NALF1: variants seen among roughly 807,000 people sequenced by gnomAD.
NALF1 encodes the protein NALCN channel auxiliary factor 1, also known as family with sequence similarity 155 member A.
In NALF1, 3 loss-of-function variants were observed where a neutral mutation model predicts 48.4. That is an observed-to-expected ratio of 0.06 (90% CI 0.03 to 0.16). The LOEUF (loss-of-function observed/expected upper bound fraction) is 0.16, where lower values mean the gene tolerates loss of function less well. Ranked by LOEUF, NALF1 falls within the 10% of genes least tolerant of loss-of-function variation. The pLI is 1.00. For missense variants in NALF1, 526 were observed against 571.5 expected (o/e 0.92, Z 0.81); for synonymous variants, 262 against 245.7 (o/e 1.07, Z -0.62).
chr13:107,748,336 G>A (rs1212416882), intron 1 of NALF1, among the ~76,000 whole-genome samples: 2 of 152,110 alleles, frequency 1.3e-5, no homozygotes, highest in Non-Finnish European at 2.9e-5. Context: ...TGTTCCTTAT[G>A]AGCAAATTGT....
chr13:107,660,642 C>T (rs527853298), intron 1 of NALF1, among the ~76,000 whole-genome samples: 1 of 152,032 alleles, frequency 6.6e-6, no homozygotes, highest in Admixed American at 6.6e-5. Flanking sequence ...ATTTTTAGGG[C>T]ACAGATTATC....
At chr13:107,737,847 T>A (rs554955218) in intron 1 of NALF1, among the ~76,000 whole-genome samples, 1 of 152,342 alleles carries the variant, frequency 6.6e-6, no homozygotes, top group Admixed American at 6.5e-5. Flanking sequence ...TTCTTCCATT[T>A]ATAATATAGA....
intron 1 of NALF1, among the ~76,000 whole-genome samples, chr13:107,781,992 C>T (rs1374722807): frequency 1.3e-5 from 2 of 152,168 alleles, no homozygotes; most frequent in Admixed American, 1.3e-4. Flanking sequence ...CTAAGTTACA[C>T]TTCTGTGCAA....
intron 1 of NALF1, among the ~76,000 whole-genome samples, chr13:107,831,378 A>T (rs1879724484): frequency 6.6e-6 from 1 of 152,196 alleles, no homozygotes; most frequent in African/African-American, 2.4e-5. Flanking sequence ...ATTGGCAATT[A>T]TTCATAACTT....
intron 2 of NALF1, among the ~76,000 whole-genome samples, chr13:107,208,352 C>G (rs1414908364): frequency 6.6e-6 from 1 of 152,160 alleles, no homozygotes; most frequent in Admixed American, 6.6e-5. Context: ...TATGAAGAAG[C>G]TGTTTTTACC....
At chr13:107,729,754 C>T (rs1876256094) in intron 1 of NALF1, among the ~76,000 whole-genome samples, 1 of 152,154 alleles carries the variant, frequency 6.6e-6, no homozygotes, top group Admixed American at 6.6e-5. Context: ...GTTGGGATTA[C>T]AGGCATGAGC....
rs1316828739 is a variant in NALF1 at position 107,605,873 on chromosome 13, T to C, written c.915+259809A>G. Among the ~76,000 whole-genome samples the C allele has an allele frequency of 2.0e-5, 3 of 152,204 alleles. No individual in the cohort carries two copies. The East Asian group carries it at 5.8e-4, about 29-fold the overall frequency. ...ACCTGTTCCCACGCTGAGAAGCTAATGTCTTGCCCCTTATGCACCAGTTAA... is the reference window on the plus strand; with the variant it reads ...ACCTGTTCCCACGCTGAGAAGCTAACGTCTTGCCCCTTATGCACCAGTTAA... On this transcript the variant is annotated intron_variant, in intron 1 of 2. Transcript: ENST00000375915.
chr13:107,812,909 C>G (rs527656649), intron 1 of NALF1, among the ~76,000 whole-genome samples: 2 of 152,080 alleles, frequency 1.3e-5, no homozygotes, highest in South Asian at 4.1e-4. Context: ...GCATGCATCA[C>G]CACACCTGGC....
chr13:107,511,503 C>T (rs1241438715), intron 1 of NALF1, among the ~76,000 whole-genome samples: 3 of 152,072 alleles, frequency 2.0e-5, no homozygotes, highest in Non-Finnish European at 2.9e-5. Flanking sequence ...TCCCAAATAC[C>T]AGCCAATACC....
intron 2 of NALF1, among the ~76,000 whole-genome samples, chr13:107,173,101 ATTC>A (rs1397196585): frequency 2.0e-5 from 3 of 152,136 alleles, no homozygotes; most frequent in African/African-American, 7.2e-5. Context: ...CACATCTCAA[ATTC>A]TTCTTTCTCA....
chr13:107,662,008 GA>G (rs1174785178), intron 1 of NALF1, among the ~76,000 whole-genome samples: 47 of 152,188 alleles, frequency 3.1e-4, no homozygotes, highest in African/African-American at 1.0e-3. Flanking sequence ...TCTGCTCCAA[GA>G]AAGACTAAAT....
intron 1 of NALF1, among the ~76,000 whole-genome samples, chr13:107,283,342 C>T (rs938335129): frequency 1.3e-5 from 2 of 152,078 alleles, no homozygotes; most frequent in Non-Finnish European, 2.9e-5. Flanking sequence ...GCTCCAGACT[C>T]CTGTCTCTCC....
At chr13:107,253,760 C>T (rs926521034) in intron 1 of NALF1, among the ~76,000 whole-genome samples, 3 of 152,228 alleles carry the variant, frequency 2.0e-5, no homozygotes, top group Non-Finnish European at 4.4e-5. Context: ...TGACTCAGTA[C>T]CTTTGTGCAT....
In NALF1 at chr13:107,861,976, T is replaced by C. The variant is rs571891932; in HGVS notation, c.915+3706A>G. On this transcript the variant is annotated intron_variant, in intron 1 of 2. Coordinates refer to ENST00000375915, the MANE Select transcript of NALF1 (RefSeq NM_001080396.3). ...GCAAGGTATCCTTTTGGTCATAGTC[T>C]GTTATATAAAAATAAGCAATATAAT... 7.9e-5 allele frequency among the ~76,000 whole-genome samples: 12 copies of C among 152,326 alleles called. No individual in the cohort carries two copies. The South Asian group carries it at 2.5e-3, about 32-fold the overall frequency.
chr13:107,537,562 A>T lies in NALF1; in HGVS notation c.916-326807T>A, dbSNP rs183908034. On this transcript the variant is annotated intron_variant, in intron 1 of 2. Coordinates refer to ENST00000375915, the MANE Select transcript of NALF1 (RefSeq NM_001080396.3). ...GATACAGTTGTCGTCTTATATCGGA[A>T]TGTGAAACTCAAAAGCCTTCAGGGA... Among the ~76,000 whole-genome samples the T allele has an allele frequency of 1.3e-3, 193 of 152,266 alleles. 1 individual carries two copies. The highest frequency in any genetic ancestry group is 4.5e-3 in the African/African-American group (187 of 41,572).
chr13:107,183,254 T>A (rs1384754151), intron 2 of NALF1, among the ~76,000 whole-genome samples: 1 of 152,198 alleles, frequency 6.6e-6, no homozygotes, highest in Non-Finnish European at 1.5e-5. Flanking sequence ...CAACCCTCCA[T>A]GCCAGGGAGG....
At chr13:107,292,992 C>CTTTTTCTTTTTTTTTTT (rs745529749) in intron 1 of NALF1, among the ~76,000 whole-genome samples, 23 of 110,674 alleles carry the variant, frequency 2.1e-4, no homozygotes, top group Non-Finnish European at 2.9e-4. Context: ...TTTTCTTTTT[C>CTTTTTCTTTTTTTTTTT]TTTTTTTTTT....
intron 1 of NALF1, among the ~76,000 whole-genome samples, chr13:107,641,114 T>C (rs916151304): frequency 6.6e-6 from 1 of 152,170 alleles, no homozygotes; most frequent in African/African-American, 2.4e-5. Context: ...GCAACATGGA[T>C]GCAACTGGAG....
chr13:107,718,128 A>T (rs1875876237), intron 1 of NALF1, among the ~76,000 whole-genome samples: 2 of 152,128 alleles, frequency 1.3e-5, no homozygotes, highest in South Asian at 4.1e-4. Flanking sequence ...GCTGCTGTAA[A>T]CATGTGTCCT....
Sources: allele counts gnomAD v4.1 joint callset (sites outside exome capture counted in the v4.1 genomes callset), GRCh38; gene constraint gnomAD v4.1.1; transcripts MANE v1.5; gene names NCBI Gene and HGNC (gene_info 2026-07-23, HGNC 2026-07-21).